The following ERICH6B variants were observed in gnomAD, a reference collection of about 807,000 sequenced individuals.
ERICH6B encodes glutamate rich 6B.
A neutral mutation model predicts 80.0 loss-of-function variants in ERICH6B; 69 were observed. The ratio of observed to expected loss-of-function variants is 0.86; its 90% CI spans 0.71 to 1.05. ERICH6B has a LOEUF of 1.05. ERICH6B is among the 50% of genes least tolerant of loss of function. The probability of loss-of-function intolerance (pLI) is 0.00; values close to 1 mark genes in which losing one functional copy is unlikely to be tolerated. For synonymous variants in ERICH6B, 283 were observed against 291.9 expected (o/e 0.97, Z 0.31); for missense variants, 754 against 796.1 (o/e 0.95, Z 0.64).
At chr13:45,566,631 A>G (rs1205312007) in intron 9 of ERICH6B, among the ~76,000 whole-genome samples, 2 of 152,258 alleles carry the variant, frequency 1.3e-5, no homozygotes, top group African/African-American at 4.8e-5. Flanking sequence ...AGTGCACAGA[A>G]GTCAAGAATT....
At position 45,584,857 on chromosome 13, in the gene ERICH6B, T is replaced by C. The variant is rs543058413; in HGVS notation, c.856+2206A>G. On this transcript the variant is annotated intron_variant, in intron 5 of 14. Coordinates refer to ENST00000298738, the MANE Select transcript of ERICH6B (RefSeq NM_182542.3). ...CTCTGCTTGTCTGCATCTGCCATGC[T>C]TGGGAATCCTTAGTAATGTGTACCC... Among the ~76,000 whole-genome samples, 3 of 152,342 alleles carry C rather than the reference T, an allele frequency of 2.0e-5. No homozygotes were observed. The East Asian group carries it at 5.8e-4, about 29-fold the overall frequency.
intron 3 of ERICH6B, among the ~76,000 whole-genome samples, chr13:45,592,822 T>C (rs1334152884): frequency 1.3e-5 from 2 of 152,020 alleles, no homozygotes; most frequent in African/African-American, 2.4e-5. Context: ...ATTAGAAGAG[T>C]ATTTTATACC....
intron 2 of ERICH6B, among the ~76,000 whole-genome samples, chr13:45,598,136 C>T (rs190535511): frequency 1.5e-3 from 236 of 152,314 alleles, no homozygotes; most frequent in African/African-American, 5.5e-3. Flanking sequence ...CCTGCCCCCA[C>T]CCTGTTACTC....
chr13:45,561,312 C>T, intron 11 of ERICH6B, 57 bp downstream of exon 11: 1 of 1,525,892 alleles, frequency 6.6e-7, no homozygotes, highest in Non-Finnish European at 8.8e-7. Flanking sequence ...CACACCTCAC[C>T]AGAGCCAAAA....
intron 4 of ERICH6B, among the ~76,000 whole-genome samples, chr13:45,588,879 T>C (rs1004531547): frequency 6.6e-6 from 1 of 152,090 alleles, no homozygotes; most frequent in Admixed American, 6.5e-5. Context: ...GGAGGAGCCA[T>C]TGGATCCTGG....
chr13:45,590,481 G>C (rs1472093910), intron 4 of ERICH6B, among the ~76,000 whole-genome samples, 168 bp downstream of exon 4: 2 of 152,062 alleles, frequency 1.3e-5, no homozygotes, highest in Non-Finnish European at 2.9e-5. Flanking sequence ...CCCTGTGAGT[G>C]ACTGAGTGGC....
intron 14 of ERICH6B, among the ~76,000 whole-genome samples, chr13:45,543,729 T>C (rs929589774): frequency 6.6e-6 from 1 of 152,190 alleles, no homozygotes; most frequent in African/African-American, 2.4e-5. Context: ...TTTGTGCTGA[T>C]TTGTTCCAGC....
At chr13:45,543,286 TG>T (rs1442307869) in intron 14 of ERICH6B, among the ~76,000 whole-genome samples, 1 of 152,136 alleles carries the variant, frequency 6.6e-6, no homozygotes, top group African/African-American at 2.4e-5. Context: ...GTTGGAGCTC[TG>T]GGGGTCCAGC....
intron 8 of ERICH6B, among the ~76,000 whole-genome samples, chr13:45,569,915 C>G (rs985791916): frequency 3.3e-5 from 5 of 152,198 alleles, no homozygotes; most frequent in African/African-American, 1.2e-4. Context: ...TCATTGTTGA[C>G]AATCCCTCCT....
At chr13:45,565,533 C>T (rs1246413863) in intron 9 of ERICH6B, among the ~76,000 whole-genome samples, 2 of 152,178 alleles carry the variant, frequency 1.3e-5, no homozygotes, top group Non-Finnish European at 2.9e-5. Context: ...GTGAGAGGAA[C>T]CTGGTGGGAG....
intron 11 of ERICH6B, among the ~76,000 whole-genome samples, chr13:45,556,781 A>G (rs542548331): frequency 1.3e-5 from 2 of 151,806 alleles, no homozygotes; most frequent in African/African-American, 2.4e-5. Flanking sequence ...ATGTGTGTGT[A>G]TATATATATA....
At position 45,544,891 on chromosome 13, in the gene ERICH6B, GT is replaced by G. The variant is rs1873932034; in HGVS notation, c.1740del (p.Pro582LeufsTer7). The part of the protein sequence containing the change: ...NWWNLNIHVH[A>X]PPVQPISLKI... ...TTCAAGGAGATGGGCTGGACAGGGGGTGCGTGGACATGGATGTTCAGATTCC... is the reference window on the plus strand; with the variant it reads ...TTCAAGGAGATGGGCTGGACAGGGGGGCGTGGACATGGATGTTCAGATTCC... On this transcript the variant is annotated frameshift_variant, in exon 14 of 15. Coordinates refer to ENST00000298738, the MANE Select transcript of ERICH6B (RefSeq NM_182542.3). LOFTEE classifies it high-confidence loss of function. The G allele has an allele frequency of 6.4e-7, 1 of 1,551,614 alleles. No individual in the cohort carries two copies. The highest frequency in any genetic ancestry group is 8.7e-7 in the Non-Finnish European group (1 of 1,147,010).
chr13:45,556,240 A>T (rs757630613), intron 11 of ERICH6B, among the ~76,000 whole-genome samples: 2 of 151,994 alleles, frequency 1.3e-5, no homozygotes, highest in Non-Finnish European at 2.9e-5. Context: ...GCTGTGTCTC[A>T]TTTGCCTCTG....
intron 7 of ERICH6B, among the ~76,000 whole-genome samples, chr13:45,577,490 G>T (rs1039183318): frequency 6.6e-6 from 1 of 151,820 alleles, no homozygotes; most frequent in African/African-American, 2.4e-5. Flanking sequence ...TACCATGTTG[G>T]CCAGGATGCT....
intron 3 of ERICH6B, 91 bp from the exon 4 acceptor site, chr13:45,590,788 C>T (rs1876125803): frequency 2.9e-6 from 3 of 1,039,472 alleles, no homozygotes; most frequent in South Asian, 3.2e-5. Flanking sequence ...GGAGAGGGCC[C>T]TAGTTATAGA....
chr13:45,563,304 A>G (rs761134840), intron 10 of ERICH6B, among the ~76,000 whole-genome samples: 8 of 152,172 alleles, frequency 5.3e-5, no homozygotes, highest in Non-Finnish European at 8.8e-5. Flanking sequence ...TCTATATGGT[A>G]ATTCCCTACT....
chr13:45,584,327 C>T (rs1406147128), intron 5 of ERICH6B, among the ~76,000 whole-genome samples: 1 of 152,142 alleles, frequency 6.6e-6, no homozygotes, highest in Non-Finnish European at 1.5e-5. Context: ...GCAGCCTTTC[C>T]ACGTCAGACC....
intron 2 of ERICH6B, among the ~76,000 whole-genome samples, chr13:45,600,841 C>A (rs1268356186): frequency 6.6e-6 from 1 of 152,136 alleles, no homozygotes. Context: ...GTAATGATTT[C>A]TTTTCCTCTG....
intron 11 of ERICH6B, among the ~76,000 whole-genome samples, chr13:45,554,262 C>T (rs1874343086): frequency 6.6e-6 from 1 of 152,216 alleles, no homozygotes; most frequent in Non-Finnish European, 1.5e-5. Flanking sequence ...ATAATCCTCT[C>T]CAGGTTCATC....
Sources: gnomAD v4.1 joint callset for allele counts (sites outside exome capture counted in the v4.1 genomes callset) on GRCh38, gnomAD v4.1.1 for gene constraint, MANE v1.5 for transcripts, NCBI Gene and HGNC (gene_info 2026-07-23, HGNC 2026-07-21) for gene names.